KCNH1: variants seen among roughly 807,000 people sequenced by gnomAD.
KCNH1 encodes voltage-gated delayed rectifier potassium channel KCNH1.
In KCNH1, 27 loss-of-function variants were observed where a neutral mutation model predicts 69.2. The ratio of observed to expected loss-of-function variants is 0.39; its 90% CI spans 0.29 to 0.54. KCNH1 has a LOEUF of 0.54. Among genes scored for constraint, KCNH1 ranks in the 20% least tolerant of loss-of-function variants. The pLI is 0.68. For synonymous variants in KCNH1, 456 were observed against 487.7 expected (o/e 0.93, Z 0.86); for missense variants, 798 against 1,261.6 (o/e 0.63, Z 5.57).
At chr1:210,856,774 A>T (rs1214795368) in intron 7 of KCNH1, among the ~76,000 whole-genome samples, 2 of 122,062 alleles carry the variant, frequency 1.6e-5, no homozygotes, top group African/African-American at 5.6e-5. Flanking sequence ...TGTTATATAT[A>T]TATGTTATAT....
rs529486258 is a variant in KCNH1, at chr1:210,961,783, G to A, written c.1033-41714C>T. On this transcript the variant is annotated intron_variant, in intron 6 of 10. Transcript: ENST00000271751. ...TGAACCTGGGAGGCAGAGGTTACAG[G>A]GAGCTGAGATTGCACCATTGCACTC... Among the ~76,000 whole-genome samples, 4 of 151,858 alleles carry A rather than the reference G, an allele frequency of 2.6e-5. No homozygotes were observed. In the South Asian group the frequency reaches 8.3e-4, roughly 32 times the overall value.
intron 5 of KCNH1, among the ~76,000 whole-genome samples, chr1:211,074,878 A>G (rs1690705911): frequency 6.6e-6 from 1 of 152,200 alleles, no homozygotes; most frequent in Non-Finnish European, 1.5e-5. Flanking sequence ...TGCCCTGTGA[A>G]TTTCGGACAC....
chr1:210,752,233 T>A (rs890337406), intron 10 of KCNH1, among the ~76,000 whole-genome samples: 3 of 152,194 alleles, frequency 2.0e-5, no homozygotes, highest in Non-Finnish European at 2.9e-5. Flanking sequence ...AGGACAGAGA[T>A]CAGAGCTTGA....
chr1:210,747,408 C>T (rs1430994657), intron 10 of KCNH1, among the ~76,000 whole-genome samples: 2 of 151,896 alleles, frequency 1.3e-5, no homozygotes, highest in Non-Finnish European at 2.9e-5. Context: ...TGGGAGCTTT[C>T]ACTTCATTCC....
rs1474504127 is a variant in KCNH1 at position 210,678,547 on chromosome 1, A to G, written c.*4734T>C. ...TTTGTTTATTCATGCTCATTTGGAC[A>G]AAGTGACAGATGCAAAGGAAAAAGA... On this transcript the variant is annotated 3_prime_UTR_variant, in exon 11 of 11. Transcript: ENST00000271751. 6.6e-6 allele frequency: 1 copy of G among 152,204 alleles called. No homozygotes were observed. Among genetic ancestry groups the G allele is most frequent in the Non-Finnish European group, 1.5e-5 (1 of 68,044 alleles). 9.4% of individuals were successfully genotyped at this position (152,204 alleles called of 1,614,324 possible).
At chr1:211,091,171 T>A (rs1691044893) in intron 3 of KCNH1, among the ~76,000 whole-genome samples, 1 of 152,176 alleles carries the variant, frequency 6.6e-6, no homozygotes, top group African/African-American at 2.4e-5. Context: ...TTGACTCACA[T>A]GACCAATCAC....
chr1:211,027,615 C>G (rs1219609407), intron 5 of KCNH1, among the ~76,000 whole-genome samples: 1 of 150,002 alleles, frequency 6.7e-6, no homozygotes, highest in African/African-American at 2.5e-5. Context: ...AAAAAAAAAG[C>G]AAAATGAAGA....
At chr1:210,811,340 C>T (rs1441966923) in intron 7 of KCNH1, among the ~76,000 whole-genome samples, 1 of 152,168 alleles carries the variant, frequency 6.6e-6, no homozygotes, top group Non-Finnish European at 1.5e-5. Flanking sequence ...TGTAGAGGTA[C>T]TTATTGTCAC....
chr1:210,955,001 C>T (rs1298214415), intron 6 of KCNH1, among the ~76,000 whole-genome samples: 2 of 152,212 alleles, frequency 1.3e-5, no homozygotes, highest in South Asian at 4.1e-4. Flanking sequence ...AATGGTATTG[C>T]CTAGGTTTTC....
At chr1:211,002,963 C>T (rs931051704) in intron 6 of KCNH1, among the ~76,000 whole-genome samples, 5 of 152,106 alleles carry the variant, frequency 3.3e-5, no homozygotes, top group African/African-American at 1.2e-4. Flanking sequence ...ATGAGCCCTC[C>T]CACTACACCA....
intron 7 of KCNH1, among the ~76,000 whole-genome samples, chr1:210,917,618 A>G (rs74156855): frequency 0.029 from 4,431 of 152,234 alleles, 176 homozygotes; most frequent in African/African-American, 0.094. Flanking sequence ...ATAAAATGGG[A>G]CCCATTTTCT....
chr1:210,939,897 A>G (rs556712774), intron 6 of KCNH1, among the ~76,000 whole-genome samples: 2 of 152,288 alleles, frequency 1.3e-5, no homozygotes, highest in Non-Finnish European at 2.9e-5. Context: ...TTGAATGGAA[A>G]CTCAAACTGT....
rs552786115 is a variant in KCNH1 at position 210,959,719 on chromosome 1, T to C, written c.1033-39650A>G. Reference sequence around the variant, plus strand: ...GGCATGGGACCCACTGATCCAGGCATAGGAGAGAATCTCCTGGTCTGCCAG... The same window carrying C: ...GGCATGGGACCCACTGATCCAGGCACAGGAGAGAATCTCCTGGTCTGCCAG... On this transcript the variant is annotated intron_variant, in intron 6 of 10. Coordinates refer to ENST00000271751, the MANE Select transcript of KCNH1 (RefSeq NM_172362.3). 3.9e-5 allele frequency among the ~76,000 whole-genome samples: 6 copies of C among 152,288 alleles called. No homozygotes were observed. In the South Asian group the frequency reaches 1.2e-3, roughly 32 times the overall value.
chr1:211,006,442 C>G (rs1689286788), intron 6 of KCNH1, among the ~76,000 whole-genome samples: 2 of 152,058 alleles, frequency 1.3e-5, no homozygotes, highest in South Asian at 4.1e-4. Flanking sequence ...AATGAGATAA[C>G]ATAAAAGAAT....
intron 6 of KCNH1, among the ~76,000 whole-genome samples, chr1:211,017,754 C>G (rs59534214): frequency 0.022 from 3,305 of 152,240 alleles, 107 homozygotes; most frequent in African/African-American, 0.076. Context: ...TTTCCTAATT[C>G]CAACACATCT....
At chr1:211,086,852 T>C (rs779352441) in intron 4 of KCNH1, among the ~76,000 whole-genome samples, 8 of 152,194 alleles carry the variant, frequency 5.3e-5, no homozygotes, top group African/African-American at 7.2e-5. Flanking sequence ...GAGGAGCTGA[T>C]AGCATAATCC....
intron 6 of KCNH1, among the ~76,000 whole-genome samples, chr1:211,012,676 A>G (rs892965059): frequency 6.6e-6 from 1 of 152,218 alleles, no homozygotes; most frequent in African/African-American, 2.4e-5. Flanking sequence ...AAACTTCTCT[A>G]TATGATACTG....
chr1:211,008,586 C>G (rs1478033930), intron 6 of KCNH1, among the ~76,000 whole-genome samples: 1 of 152,208 alleles, frequency 6.6e-6, no homozygotes, highest in East Asian at 1.9e-4. Context: ...CTGAATCATT[C>G]CACTTATCTG....
intron 10 of KCNH1, among the ~76,000 whole-genome samples, chr1:210,718,669 C>T (rs767460851): frequency 0.12 from 14,955 of 125,302 alleles, 1,883 homozygotes; most frequent in African/African-American, 0.18. Flanking sequence ...CACACACACA[C>T]ACACACACAC....
Sources: allele counts gnomAD v4.1 joint callset (sites outside exome capture counted in the v4.1 genomes callset), GRCh38; gene constraint gnomAD v4.1.1; transcripts MANE v1.5; gene names NCBI Gene and HGNC (gene_info 2026-07-23, HGNC 2026-07-21).